The following MITF variants were observed in gnomAD, a reference collection of about 807,000 sequenced individuals.
MITF encodes microphthalmia-associated transcription factor.
A neutral mutation model predicts 60.5 loss-of-function variants in MITF; 17 were observed. The ratio of observed to expected loss-of-function variants is 0.28; its 90% confidence interval spans 0.19 to 0.42. The LOEUF is 0.42. Ranked by LOEUF, MITF falls within the 10% of genes least tolerant of loss-of-function variation. The pLI is 1.00. For synonymous variants in MITF, 260 were observed against 248.5 expected, an observed-to-expected ratio of 1.05 and a Z score of -0.43; for missense variants, 622 against 683.5, an observed-to-expected ratio of 0.91 and a Z score of 1.00.
chr3:69,814,023 G>C (rs113453316), intron 1 of MITF, among the ~76,000 whole-genome samples: 1 of 151,998 alleles, frequency 6.6e-6, no homozygotes. Context: ...TGGTGGTATG[G>C]CTGGCTCATG....
intron 1 of MITF, among the ~76,000 whole-genome samples, chr3:69,816,649 C>A (rs918337612): frequency 1.3e-5 from 2 of 152,160 alleles, no homozygotes; most frequent in African/African-American, 4.8e-5. Flanking sequence ...TGATCTTTGG[C>A]AATTAGTTAA....
intron 2 of MITF, among the ~76,000 whole-genome samples, chr3:69,933,022 A>T (rs1559729174): frequency 1.3e-5 from 2 of 151,660 alleles, no homozygotes; most frequent in South Asian, 2.1e-4. Context: ...AATTATTAAA[A>T]ATATATATAT....
intron 1 of MITF, among the ~76,000 whole-genome samples, chr3:69,788,812 A>C (rs929705612): frequency 6.6e-6 from 1 of 152,220 alleles, no homozygotes; most frequent in South Asian, 2.1e-4. Context: ...CGGTCAAATG[A>C]TCTTTGACAA....
At chr3:69,757,672 A>G (rs2062146414) in intron 1 of MITF, among the ~76,000 whole-genome samples, 1 of 152,178 alleles carries the variant, frequency 6.6e-6, no homozygotes, top group South Asian at 2.1e-4. Context: ...AGTTTGGGAC[A>G]TTTTCAGAAT....
intron 1 of MITF, among the ~76,000 whole-genome samples, chr3:69,791,354 C>CGTGGTGGTG (rs772016771): frequency 6.6e-6 from 1 of 151,934 alleles, no homozygotes; most frequent in Non-Finnish European, 1.5e-5. Context: ...TTCTTAACAG[C>CGTGGTGGTG]GTGGTGGTGG....
At chr3:69,890,288 C>A (rs763638387) in intron 2 of MITF, among the ~76,000 whole-genome samples, 7 of 152,130 alleles carry the variant, frequency 4.6e-5, no homozygotes, top group Non-Finnish European at 1.0e-4. Flanking sequence ...TGCCAATAGC[C>A]TTCCATTCAG....
At chr3:69,837,757 G>A (rs372515048) in intron 1 of MITF, among the ~76,000 whole-genome samples, 1 of 152,076 alleles carries the variant, frequency 6.6e-6, no homozygotes, top group East Asian at 1.9e-4. Context: ...CCACTTAATT[G>A]AATATTCATA....
chr3:69,822,087 G>T (rs1349006766), intron 1 of MITF, among the ~76,000 whole-genome samples: 2 of 152,140 alleles, frequency 1.3e-5, no homozygotes, highest in African/African-American at 4.8e-5. Context: ...GAAATATTTT[G>T]CTCTTATCTT....
At position 69,870,125 on chromosome 3, in the gene MITF, C is replaced by T. The variant is rs1296704417; in HGVS notation, c.105-9009C>T. ...TTATATTATGCTATAGTACAGTTGC[C>T]GTAGTCAGTTGTATTTGAATTAATA... On this transcript the variant is annotated intron_variant, in intron 1 of 9. Transcript: ENST00000352241. Among the ~76,000 whole-genome samples the T allele has an allele frequency of 2.7e-5, 4 of 148,230 alleles. No homozygotes were observed. The South Asian group carries it at 6.5e-4, about 24-fold the overall frequency.
intron 1 of MITF, among the ~76,000 whole-genome samples, chr3:69,863,881 C>T (rs1478104420): frequency 6.6e-6 from 1 of 152,076 alleles, no homozygotes; most frequent in African/African-American, 2.4e-5. Flanking sequence ...AGAAAATTAT[C>T]CCTTAAAGTT....
intron 1 of MITF, among the ~76,000 whole-genome samples, chr3:69,810,460 T>C (rs1436875937): frequency 1.3e-5 from 2 of 152,206 alleles, no homozygotes; most frequent in African/African-American, 4.8e-5. Context: ...AGGGATTTAT[T>C]TGATGGCGGT....
chr3:69,807,966 A>G (rs944382905), intron 1 of MITF, among the ~76,000 whole-genome samples: 51 of 150,878 alleles, frequency 3.4e-4, no homozygotes, highest in African/African-American at 1.2e-3. Context: ...ATATGTATAT[A>G]TATAAATATA....
intron 1 of MITF, among the ~76,000 whole-genome samples, chr3:69,761,650 A>G (rs1345440229): frequency 1.3e-5 from 2 of 152,230 alleles, no homozygotes; most frequent in Non-Finnish European, 1.5e-5. Context: ...AAATAGTTAT[A>G]TCTATTAAAG....
intron 1 of MITF, among the ~76,000 whole-genome samples, chr3:69,858,695 A>G (rs2063961366): frequency 6.6e-6 from 1 of 152,160 alleles, no homozygotes; most frequent in Non-Finnish European, 1.5e-5. Flanking sequence ...TTTAGTCTTT[A>G]GTTATGCACT....
rs1260755266 is a variant in MITF at position 69,951,793 on chromosome 3, A to G, written c.881-19A>G. 3 of 1,604,644 alleles carry G rather than the reference A, an allele frequency of 1.9e-6. No individual in the cohort carries two copies. Among genetic ancestry groups the G allele is most frequent in the Non-Finnish European group, 2.6e-6 (3 of 1,171,702 alleles). On this transcript the variant is annotated intron_variant, in intron 6 of 9. Transcript: ENST00000352241. ...CTTCAAACAGTTCCAACTTCTAATGACTTCATTCACGTGCACAGCGTGTAT... is the reference window on the plus strand; with the variant it reads ...CTTCAAACAGTTCCAACTTCTAATGGCTTCATTCACGTGCACAGCGTGTAT...
At chr3:69,745,353 G>A (rs1178599096) in intron 1 of MITF, among the ~76,000 whole-genome samples, 3 of 152,078 alleles carry the variant, frequency 2.0e-5, no homozygotes, top group East Asian at 1.9e-4. Flanking sequence ...TGCCCTCCCT[G>A]TGTGGTGAGG....
intron 2 of MITF, among the ~76,000 whole-genome samples, chr3:69,895,807 T>TG (rs1491206451): frequency 7.0e-5 from 9 of 127,902 alleles, no homozygotes; most frequent in South Asian, 2.9e-4. Context: ...TTGTGGAGTG[T>TG]TTGTGTGTGT....
intron 1 of MITF, among the ~76,000 whole-genome samples, chr3:69,841,875 C>A (rs1417904787): frequency 1.3e-5 from 2 of 152,130 alleles, no homozygotes; most frequent in Non-Finnish European, 2.9e-5. Context: ...GGAAAAATAT[C>A]AAAATGTTTA....
At chr3:69,817,588 G>A (rs1466525910) in intron 1 of MITF, among the ~76,000 whole-genome samples, 1 of 151,952 alleles carries the variant, frequency 6.6e-6, no homozygotes, top group East Asian at 1.9e-4. Flanking sequence ...TATTTTCTGA[G>A]AAAAGAGATG....
Sources: gnomAD v4.1 joint callset for allele counts (sites outside exome capture counted in the v4.1 genomes callset) on GRCh38, gnomAD v4.1.1 for gene constraint, MANE v1.5 for transcripts, NCBI Gene and HGNC (gene_info 2026-07-23, HGNC 2026-07-21) for gene names.